DCAF10: variants seen among roughly 807,000 people sequenced by gnomAD.
The protein encoded by DCAF10 is DDB1 and CUL4 associated factor 10, also known as DDB1- and CUL4-associated factor 10.
Under a neutral mutation model 51.9 loss-of-function variants are expected in DCAF10, and 19 were observed. The ratio of observed to expected loss-of-function variants is 0.37; its 90% CI spans 0.26 to 0.54. DCAF10 has a LOEUF of 0.54. DCAF10 is among the 20% of genes least tolerant of loss of function. The probability of loss-of-function intolerance (pLI) is 0.87; values close to 1 mark genes in which losing one functional copy is unlikely to be tolerated. For missense variants in DCAF10, 510 were observed against 730.6 expected, an observed-to-expected ratio of 0.70 and a Z score of 3.48; for synonymous variants, 291 against 297.1, an observed-to-expected ratio of 0.98 and a Z score of 0.21.
intron 3 of DCAF10, among the ~76,000 whole-genome samples, chr9:37,848,613 T>C (rs777013243): frequency 1.3e-5 from 2 of 151,990 alleles, no homozygotes; most frequent in African/African-American, 2.4e-5. Context: ...TCTCTTAAGG[T>C]GATGAAAATG....
At chr9:37,844,175 A>T (rs761726306) in intron 3 of DCAF10, among the ~76,000 whole-genome samples, 1 of 152,268 alleles carries the variant, frequency 6.6e-6, no homozygotes, top group African/African-American at 2.4e-5. Context: ...AGAAATCTCC[A>T]TCTCAGTGGA....
chr9:37,850,874 ATATAT>A (rs1830628250), intron 3 of DCAF10, among the ~76,000 whole-genome samples: 1 of 85,962 alleles, frequency 1.2e-5, no homozygotes, highest in Non-Finnish European at 2.3e-5. Context: ...ATATATATAT[ATATAT>A]ATAAATTAGC....
intron 2 of DCAF10, chr9:37,836,237 A>T: frequency 6.5e-7 from 1 of 1,549,348 alleles, no homozygotes; most frequent in Non-Finnish European, 8.9e-7. Context: ...TAGAACATCT[A>T]ACTGGAAGCA....
intron 2 of DCAF10, among the ~76,000 whole-genome samples, chr9:37,825,374 A>G (rs1276620944): frequency 6.6e-6 from 1 of 152,248 alleles, no homozygotes; most frequent in African/African-American, 2.4e-5. Flanking sequence ...CATATACACC[A>G]TGGAATACTA....
At position 37,866,081 on chromosome 9, in the gene DCAF10, T is replaced by A. The variant is rs1439078873; in HGVS notation, c.*4573T>A. On this transcript the variant is annotated 3_prime_UTR_variant, in exon 7 of 7. Coordinates refer to ENST00000377724, the MANE Select transcript of DCAF10 (RefSeq NM_024345.5). Reference sequence around the variant, plus strand: ...ACTGATGACAATCATCCCCATTTAATGACCAGCAGTCACTGAGCGCTGTGA... The same window carrying A: ...ACTGATGACAATCATCCCCATTTAAAGACCAGCAGTCACTGAGCGCTGTGA... 4 of 152,652 alleles carry A rather than the reference T, an allele frequency of 2.6e-5. No homozygotes were observed. The highest frequency in any genetic ancestry group is 5.9e-5 in the Non-Finnish European group (4 of 68,042). The allele number at this position is 152,652 out of a possible 1,614,324, so 9.5% of individuals were successfully genotyped here.
chr9:37,846,214 A>G (rs1470614060), intron 3 of DCAF10, among the ~76,000 whole-genome samples: 2 of 152,228 alleles, frequency 1.3e-5, no homozygotes, highest in Non-Finnish European at 2.9e-5. Context: ...TTGTATTAAT[A>G]TAATTACCCA....
At chr9:37,819,528 T>C (rs1829643136) in intron 2 of DCAF10, 127 bp downstream of exon 2, 1 of 603,984 alleles carries the variant, frequency 1.7e-6, no homozygotes, top group Admixed American at 3.2e-5. Flanking sequence ...TTGTGAATTG[T>C]GAATCTAATC....
intron 1 of DCAF10, among the ~76,000 whole-genome samples, chr9:37,813,213 G>T (rs1282887577): frequency 1.3e-5 from 2 of 152,102 alleles, no homozygotes; most frequent in Admixed American, 1.3e-4. Flanking sequence ...CAATCCTCCC[G>T]CCTGTCTCCT....
At chr9:37,835,576 CA>C (rs1005624842) in intron 2 of DCAF10, among the ~76,000 whole-genome samples, 113 of 141,680 alleles carry the variant, frequency 8.0e-4, no homozygotes, top group Middle Eastern at 3.6e-3. Flanking sequence ...AGACTCCGTC[CA>C]AAAAAAAAAA....
intron 2 of DCAF10, among the ~76,000 whole-genome samples, chr9:37,827,435 T>C (rs1829884817): frequency 6.6e-6 from 1 of 152,128 alleles, no homozygotes. Flanking sequence ...AAAATGGTGG[T>C]AGAGTTAATG....
At chr9:37,845,744 G>A (rs922059123) in intron 3 of DCAF10, among the ~76,000 whole-genome samples, 7 of 152,118 alleles carry the variant, frequency 4.6e-5, no homozygotes, top group Non-Finnish European at 8.8e-5. Flanking sequence ...ACAATATGGC[G>A]ATTCCAGGAC....
chr9:37,816,659 G>GGGGGGTGT (rs372664140), intron 1 of DCAF10, among the ~76,000 whole-genome samples: 85 of 144,892 alleles, frequency 5.9e-4, no homozygotes, highest in Non-Finnish European at 1.1e-3. Flanking sequence ...CTGCACCTGG[G>GGGGGGTGT]GTGTGTGTGT....
chr9:37,801,560 A>C lies in DCAF10; in HGVS notation c.539+155A>C. 1 of 973,378 alleles carries C rather than the reference A, an allele frequency of 1.0e-6. No individual in the cohort carries two copies. The highest frequency in any genetic ancestry group is 1.4e-6 in the Non-Finnish European group (1 of 727,928). The allele number at this position is 973,378 out of a possible 1,614,324, so 60.3% of individuals were successfully genotyped here. A position where few individuals can be genotyped will look rare whatever the true frequency, so the allele number is the denominator to read the frequency against. ...TGCCTCCTGGCACTTTCTGAAGCGC[A>C]TTCTCGCCCTTGGAATCCCCAGCCC... On this transcript the variant is annotated intron_variant, in intron 1 of 6. Transcript: ENST00000377724. This position sits in a 1 kb window ranked among gnomAD's most constrained non-coding sequence, Gnocchi z 5.5.
intron 2 of DCAF10, among the ~76,000 whole-genome samples, chr9:37,840,538 ATT>A (rs1027081627): frequency 2.0e-5 from 3 of 152,162 alleles, no homozygotes; most frequent in African/African-American, 7.2e-5. Context: ...GAAAGAAAAT[ATT>A]TTTGTACAGT....
At position 37,861,659 on chromosome 9, in the gene DCAF10, C is replaced by A; in HGVS notation, c.*151C>A. On this transcript the variant is annotated 3_prime_UTR_variant, in exon 7 of 7. Coordinates refer to ENST00000377724, the MANE Select transcript of DCAF10 (RefSeq NM_024345.5). This position sits in a 1 kb window ranked among gnomAD's most constrained non-coding sequence, Gnocchi z 4.9. ...CATGAACACACTTGTGACCTTAGTA[C>A]TTGGTCATCCAGCATCATACAGGCA... 2 of 1,096,680 alleles carry A rather than the reference C, an allele frequency of 1.8e-6. No homozygotes were observed. Among genetic ancestry groups the A allele is most frequent in the Non-Finnish European group, 2.5e-6 (2 of 786,602 alleles). The allele number at this position is 1,096,680 out of a possible 1,614,324, so 67.9% of individuals were successfully genotyped here.
intron 1 of DCAF10, among the ~76,000 whole-genome samples, chr9:37,807,658 CTTTTTT>C (rs5897701): frequency 1.4e-5 from 1 of 72,558 alleles, no homozygotes. Context: ...CTTTTCTTTT[CTTTTTT>C]TTTTTTTTTT....
At chr9:37,832,572 T>A (rs1483902341) in intron 2 of DCAF10, among the ~76,000 whole-genome samples, 1 of 152,190 alleles carries the variant, frequency 6.6e-6, no homozygotes, top group Non-Finnish European at 1.5e-5. Context: ...ATAATGCAAA[T>A]GTAGTGCTGT....
chr9:37,810,473 T>C (rs1015805263), intron 1 of DCAF10, among the ~76,000 whole-genome samples: 1 of 151,986 alleles, frequency 6.6e-6, no homozygotes, highest in Non-Finnish European at 1.5e-5. Context: ...CTTTTTTTTT[T>C]TGAGACAGAG....
chr9:37,866,065 A>G lies in DCAF10; in HGVS notation c.*4557A>G, dbSNP rs185956521. 11 of 152,742 alleles carry G rather than the reference A, an allele frequency of 7.2e-5. No homozygotes were observed. The highest frequency in any genetic ancestry group is 6.5e-4 in the Admixed American group (10 of 15,296). 9.5% of individuals were successfully genotyped at this position (152,742 alleles called of 1,614,324 possible). A position where few individuals can be genotyped will look rare whatever the true frequency, so the allele number is the denominator to read the frequency against. ...ATAGTGTGATACTTATACTGATGACAATCATCCCCATTTAATGACCAGCAG... is the reference window on the plus strand; with the variant it reads ...ATAGTGTGATACTTATACTGATGACGATCATCCCCATTTAATGACCAGCAG... On this transcript the variant is annotated 3_prime_UTR_variant, in exon 7 of 7. Coordinates refer to ENST00000377724, the MANE Select transcript of DCAF10 (RefSeq NM_024345.5).
Sources: allele counts gnomAD v4.1 joint callset (sites outside exome capture counted in the v4.1 genomes callset), GRCh38; gene constraint gnomAD v4.1.1; non-coding constraint Gnocchi (gnomAD v3.1); transcripts MANE v1.5; gene names NCBI Gene and HGNC (gene_info 2026-07-23, HGNC 2026-07-21).